IQGAP2: variants seen among roughly 807,000 people sequenced by gnomAD.
The protein encoded by IQGAP2 is ras GTPase-activating-like protein IQGAP2.
A neutral mutation model predicts 201.3 loss-of-function variants in IQGAP2; 173 were observed. The observed-to-expected ratio is 0.86, with a 90% CI of 0.76 to 0.98. IQGAP2 has a LOEUF of 0.98. Ranked by LOEUF, IQGAP2 falls within the 50% of genes least tolerant of loss-of-function variation. IQGAP2 has a pLI of 0.00. For synonymous variants in IQGAP2, 675 were observed against 673.9 expected (o/e 1.00, Z -0.03); for missense variants, 1,687 against 1,864.8 (o/e 0.90, Z 1.76).
intron 27 of IQGAP2, 122 bp from the exon 28 acceptor site, chr5:76,677,096 C>T (rs1384837550): frequency 4.4e-6 from 4 of 912,180 alleles, no homozygotes; most frequent in Non-Finnish European, 6.5e-6. Flanking sequence ...TGTAACACGT[C>T]CTCTCAAGGT....
In IQGAP2 at chr5:76,631,901, A is replaced by G; in HGVS notation, c.1655A>G (p.Lys552Arg). 3 of 1,610,242 alleles carry G rather than the reference A, an allele frequency of 1.9e-6. No individual in the cohort carries two copies. Among genetic ancestry groups the G allele is most frequent in the Non-Finnish European group, 2.5e-6 (3 of 1,178,064 alleles). Residue 552 changes from lysine to arginine, a missense_variant, in exon 15 of 36, where the codon AAA (lysine) becomes AGA (arginine). Transcript: ENST00000274364. ...VVDVNQCLEGKKSSDILSVLK... is the reference protein window; with the variant it reads ...VVDVNQCLEGRKSSDILSVLK... ...GATGTTAATCAGTGTTTGGAAGGAAAAAAATCAAGTGATATTTTGTCTGTA... is the reference window on the plus strand; with the variant it reads ...GATGTTAATCAGTGTTTGGAAGGAAGAAAATCAAGTGATATTTTGTCTGTA...
intron 2 of IQGAP2, among the ~76,000 whole-genome samples, chr5:76,487,492 A>G (rs1756236548): frequency 6.6e-6 from 1 of 152,212 alleles, no homozygotes; most frequent in African/African-American, 2.4e-5. Flanking sequence ...AGTATTATTT[A>G]TTAATTGAAG....
At position 76,654,519 on chromosome 5, in the gene IQGAP2, C is replaced by T. The variant is rs77180903; in HGVS notation, c.2250+248C>T. On this transcript the variant is annotated intron_variant, in intron 19 of 35. Coordinates refer to ENST00000274364, the MANE Select transcript of IQGAP2 (RefSeq NM_006633.5). ...TGAGGGGAAAACTGTGGGCTAGTAACACCAAAGAGAAGACTCTAGAGAAAT... is the reference window on the plus strand; with the variant it reads ...TGAGGGGAAAACTGTGGGCTAGTAATACCAAAGAGAAGACTCTAGAGAAAT... 8.2e-3 allele frequency among the ~76,000 whole-genome samples: 1,243 copies of T among 152,316 alleles called. 15 individuals are homozygous for T. Among genetic ancestry groups the T allele is most frequent in the African/African-American group, 0.028 (1,161 of 41,568 alleles).
chr5:76,416,228 A>G (rs889445675), intron 1 of IQGAP2, among the ~76,000 whole-genome samples: 1 of 152,196 alleles, frequency 6.6e-6, no homozygotes, highest in African/African-American at 2.4e-5. Context: ...TGTATAAAAT[A>G]ATAGGAAGCT....
chr5:76,410,870 T>C (rs1341070291), intron 1 of IQGAP2, among the ~76,000 whole-genome samples: 3 of 152,236 alleles, frequency 2.0e-5, no homozygotes, highest in African/African-American at 4.8e-5. Flanking sequence ...TTTAGACTTT[T>C]TGTGGGATTT....
chr5:76,492,085 A>T (rs1309098619), intron 2 of IQGAP2, among the ~76,000 whole-genome samples: 1 of 152,216 alleles, frequency 6.6e-6, no homozygotes, highest in Non-Finnish European at 1.5e-5. Context: ...TAAGCAGGTT[A>T]TCAGTAAATG....
intron 17 of IQGAP2, among the ~76,000 whole-genome samples, chr5:76,648,027 A>T (rs977395665): frequency 7.2e-5 from 11 of 152,100 alleles, no homozygotes; most frequent in African/African-American, 2.7e-4. Context: ...GAGAGGAGCC[A>T]AGGCAGAGAG....
chr5:76,657,164 G>A (rs899348357), intron 20 of IQGAP2, among the ~76,000 whole-genome samples: 2 of 152,200 alleles, frequency 1.3e-5, no homozygotes, highest in Non-Finnish European at 2.9e-5. Context: ...TACTAATTTA[G>A]TTTTTTCCGA....
chr5:76,495,882 A>C (rs1357784755), intron 2 of IQGAP2, among the ~76,000 whole-genome samples: 6 of 152,180 alleles, frequency 3.9e-5, no homozygotes, highest in African/African-American at 1.4e-4. Flanking sequence ...TCCATCATCC[A>C]ATCACCTCCC....
chr5:76,683,301 T>C (rs1232706063), intron 29 of IQGAP2, 84 bp downstream of exon 29: 4 of 794,918 alleles, frequency 5.0e-6, no homozygotes, highest in Middle Eastern at 2.3e-4. Context: ...TTTCCTATCC[T>C]AGATAAAACA....
chr5:76,520,100 A>G (rs1407818992), intron 2 of IQGAP2, among the ~76,000 whole-genome samples: 1 of 146,652 alleles, frequency 6.8e-6, no homozygotes, highest in Non-Finnish European at 1.5e-5. Flanking sequence ...ATATCTAAAA[A>G]CTCTTTGCCT....
At chr5:76,433,298 A>G (rs977387002) in intron 1 of IQGAP2, among the ~76,000 whole-genome samples, 1 of 152,156 alleles carries the variant, frequency 6.6e-6, no homozygotes, top group Non-Finnish European at 1.5e-5. Context: ...GTTTTATTCT[A>G]GAACTTTTAT....
chr5:76,466,775 T>G (rs1376711008), intron 2 of IQGAP2, among the ~76,000 whole-genome samples: 1 of 152,192 alleles, frequency 6.6e-6, no homozygotes, highest in African/African-American at 2.4e-5. Context: ...GAGTAAATCT[T>G]TGTAGCCTTG....
intron 2 of IQGAP2, among the ~76,000 whole-genome samples, chr5:76,534,673 C>T (rs1040359394): frequency 1.6e-4 from 24 of 152,320 alleles, no homozygotes; most frequent in African/African-American, 5.3e-4. Context: ...CAGTGAAGGT[C>T]ATGAAGATGC....
chr5:76,655,858 C>A (rs1429657855), intron 20 of IQGAP2, among the ~76,000 whole-genome samples: 1 of 152,210 alleles, frequency 6.6e-6, no homozygotes, highest in South Asian at 2.1e-4. Flanking sequence ...TGGTTTTTTA[C>A]AGATCATAAG....
At chr5:76,471,616 G>A (rs1755115673) in intron 2 of IQGAP2, among the ~76,000 whole-genome samples, 1 of 152,096 alleles carries the variant, frequency 6.6e-6, no homozygotes, top group African/African-American at 2.4e-5. Flanking sequence ...CTAGTGGTGA[G>A]TTAGAGAATC....
rs1427951584 is a variant in IQGAP2 at position 76,631,937 on chromosome 5, C to A, written c.1691C>A (p.Ser564Tyr). 1 of 1,612,488 alleles carries A rather than the reference C, an allele frequency of 6.2e-7. No individual in the cohort carries two copies. The highest frequency in any genetic ancestry group is 8.5e-7 in the Non-Finnish European group (1 of 1,179,024). ...GATATTTTGTCTGTATTGAAGTCTT[C>A]CACTTCTAATGCAAATGACATAATC... ...SSDILSVLKS[S>Y]TSNANDIIPE... The change falls in exon 15 of 36, where the codon TCC becomes TAC. Residue 564 changes from serine to tyrosine, a missense_variant. Coordinates refer to ENST00000274364, the MANE Select transcript of IQGAP2 (RefSeq NM_006633.5).
intron 17 of IQGAP2, 79 bp downstream of exon 17, chr5:76,641,182 A>G (rs1174239499): frequency 7.3e-6 from 8 of 1,099,452 alleles, no homozygotes; most frequent in African/African-American, 6.2e-5. Flanking sequence ...AGAATAGTCA[A>G]CTACCAGCAT....
chr5:76,651,633 A>T (rs541267453), intron 17 of IQGAP2, among the ~76,000 whole-genome samples: 1 of 152,142 alleles, frequency 6.6e-6, no homozygotes, highest in Non-Finnish European at 1.5e-5. Flanking sequence ...GTATATTTGT[A>T]TGATGTTACC....
Sources: allele counts gnomAD v4.1 joint callset (sites outside exome capture counted in the v4.1 genomes callset), GRCh38; gene constraint gnomAD v4.1.1; transcripts MANE v1.5; gene names NCBI Gene and HGNC (gene_info 2026-07-23, HGNC 2026-07-21).